Variants in AKT2 observed in about 807,000 individuals in gnomAD.
AKT2 encodes RAC-beta serine/threonine-protein kinase.
A neutral mutation model predicts 58.6 loss-of-function variants in AKT2; 16 were observed. The ratio of observed to expected loss-of-function variants is 0.27; its 90% CI spans 0.18 to 0.41. AKT2 has a LOEUF of 0.41. Ranked by LOEUF, AKT2 falls within the 10% of genes least tolerant of loss-of-function variation. AKT2 has a pLI of 1.00. For synonymous variants in AKT2, 253 were observed against 254.0 expected, an observed-to-expected ratio of 1.00 and a Z score of 0.04; for missense variants, 438 against 661.0, an observed-to-expected ratio of 0.66 and a Z score of 3.70.
intron 1 of AKT2, chr19:40,274,879 C>T: frequency 2.8e-6 from 1 of 358,086 alleles, no homozygotes. Context: ...GAACTATCCG[C>T]CTGAGGCGAG....
chr19:40,282,883 T>A (rs1232824369), intron 1 of AKT2: 1 of 185,426 alleles, frequency 5.4e-6, no homozygotes, highest in Non-Finnish European at 1.1e-5. Context: ...GACAAGACGA[T>A]CTGAGGCCAA....
intron 1 of AKT2, among the ~76,000 whole-genome samples, chr19:40,281,581 G>T (rs759229506): frequency 6.6e-6 from 1 of 152,210 alleles, no homozygotes. Context: ...CAAAGCCACT[G>T]CGTGGAAGAG....
intron 2 of AKT2, among the ~76,000 whole-genome samples, chr19:40,264,689 G>A (rs898827403): frequency 6.6e-6 from 1 of 151,988 alleles, no homozygotes; most frequent in Non-Finnish European, 1.5e-5. Flanking sequence ...GACCACTGCC[G>A]TCTCCTCCGG....
intron 7 of AKT2, chr19:40,239,509 G>A (rs1974252235): frequency 2.0e-5 from 6 of 304,878 alleles, no homozygotes; most frequent in Non-Finnish European, 6.4e-6. Flanking sequence ...GATTTTATTT[G>A]AAAAAGTACT....
intron 1 of AKT2, among the ~76,000 whole-genome samples, chr19:40,271,023 C>G (rs1351087645): frequency 7.1e-6 from 1 of 140,784 alleles, no homozygotes; most frequent in Non-Finnish European, 1.5e-5. Context: ...AAAAAACAGA[C>G]AAACAAACAA....
chr19:40,254,822 G>A (rs1015887317), intron 4 of AKT2, among the ~76,000 whole-genome samples: 5 of 151,458 alleles, frequency 3.3e-5, no homozygotes, highest in African/African-American at 7.3e-5. Flanking sequence ...GGCAATAAGA[G>A]CGAAACTCCA....
chr19:40,274,429 G>A (rs1293581660), intron 1 of AKT2: 1 of 155,510 alleles, frequency 6.4e-6, no homozygotes, highest in African/African-American at 2.4e-5. Context: ...GGTCACCAGG[G>A]ATTCAGCAGT....
intron 4 of AKT2, among the ~76,000 whole-genome samples, chr19:40,252,860 G>T (rs1368028477): frequency 6.6e-6 from 1 of 152,150 alleles, no homozygotes; most frequent in East Asian, 1.9e-4. Flanking sequence ...CACTGGTCTC[G>T]ATCTGTTTTT....
chr19:40,232,856 G>A lies in AKT2; in HGVS notation c.*1016C>T, dbSNP rs1272427415. ...TTAAGGCTGCAGAACGTGGGGCCCTGGGGAGAGGGAGGGGTGAGGGGGGCC... is the reference window on the plus strand; with the variant it reads ...TTAAGGCTGCAGAACGTGGGGCCCTAGGGAGAGGGAGGGGTGAGGGGGGCC... On this transcript the variant is annotated 3_prime_UTR_variant, in exon 14 of 14. Transcript: ENST00000392038. The A allele has an allele frequency of 4.2e-6, 1 of 237,664 alleles. No homozygotes were observed. Among genetic ancestry groups the A allele is most frequent in the Admixed American group, 5.5e-5 (1 of 18,060 alleles). 14.7% of individuals were successfully genotyped at this position (237,664 alleles called of 1,614,324 possible). A position where few individuals can be genotyped will look rare whatever the true frequency, so the allele number is the denominator to read the frequency against.
At chr19:40,241,877 G>A in intron 6 of AKT2, 61 bp downstream of exon 6, 1 of 1,611,058 alleles carries the variant, frequency 6.2e-7, no homozygotes, top group South Asian at 1.1e-5. Flanking sequence ...CAGGCCTCAG[G>A]GTCAGGCTCC....
At chr19:40,251,160 C>T (rs1445497640) in intron 4 of AKT2, among the ~76,000 whole-genome samples, 1 of 150,732 alleles carries the variant, frequency 6.6e-6, no homozygotes, top group Non-Finnish European at 1.5e-5. Context: ...GCTATGATTG[C>T]ACCGCTGCAC....
At chr19:40,266,340 A>G (rs1976349838) in intron 1 of AKT2, 1 of 152,214 alleles carries the variant, frequency 6.6e-6, no homozygotes, top group Admixed American at 6.5e-5. Context: ...TAGGGACACC[A>G]TGGGCATCAG....
intron 4 of AKT2, among the ~76,000 whole-genome samples, chr19:40,254,862 C>T (rs1295572925): frequency 6.6e-6 from 1 of 152,088 alleles, no homozygotes; most frequent in Non-Finnish European, 1.5e-5. Flanking sequence ...AATGTAGCTC[C>T]CTGACCCTGG....
Position 40,238,430 on chromosome 19 carries a change from G to A in AKT2, c.709-339C>T, listed in dbSNP as rs766742632. On this transcript the variant is annotated intron_variant, in intron 8 of 13. Coordinates refer to ENST00000392038, the MANE Select transcript of AKT2 (RefSeq NM_001626.6). The surrounding 1 kb of genome is among the most constrained non-coding windows in gnomAD (Gnocchi z 5.1). The stretch of plus-strand genomic sequence containing the variant: ...CAGATCAGACAGATGAGCAAACCAC[G>A]CATCCCAAAGCAGGTGTGCCAACCA... 1.6e-4 allele frequency among the ~76,000 whole-genome samples: 24 copies of A among 152,182 alleles called. No homozygotes were observed. The highest frequency in any genetic ancestry group is 2.8e-4 in the Non-Finnish European group (19 of 68,038).
chr19:40,264,431 A>G (rs1441413184), intron 2 of AKT2, among the ~76,000 whole-genome samples: 1 of 152,164 alleles, frequency 6.6e-6, no homozygotes, highest in Non-Finnish European at 1.5e-5. Flanking sequence ...ACGACATCAC[A>G]GGGCTGCTCT....
intron 3 of AKT2, among the ~76,000 whole-genome samples, chr19:40,256,449 G>A (rs1975548330): frequency 6.6e-6 from 1 of 152,186 alleles, no homozygotes; most frequent in East Asian, 1.9e-4. Flanking sequence ...CAAGAGCTTG[G>A]GGCTTGTGAA....
At chr19:40,261,148 C>A (rs1975916623) in intron 2 of AKT2, among the ~76,000 whole-genome samples, 2 of 152,206 alleles carry the variant, frequency 1.3e-5, no homozygotes, top group Non-Finnish European at 2.9e-5. Flanking sequence ...AACTTGATCC[C>A]CAATGCAGCC....
chr19:40,236,172 G>A, intron 10 of AKT2, 68 bp from the exon 11 acceptor site: 4 of 1,613,342 alleles, frequency 2.5e-6, no homozygotes, highest in Non-Finnish European at 3.4e-6. Context: ...CCTGCCCTCA[G>A]GGCATCTGGG....
At chr19:40,279,105 A>C (rs1600116538) in intron 1 of AKT2, 1 of 152,230 alleles carries the variant, frequency 6.6e-6, no homozygotes, top group Admixed American at 6.5e-5. Flanking sequence ...TTCTGGCCTC[A>C]CCCTTAGAAA....
Sources: gnomAD v4.1 joint callset for allele counts (sites outside exome capture counted in the v4.1 genomes callset) on GRCh38, gnomAD v4.1.1 for gene constraint, Gnocchi (gnomAD v3.1) non-coding constraint, MANE v1.5 for transcripts, NCBI Gene and HGNC (gene_info 2026-07-23, HGNC 2026-07-21) for gene names.